TMEM120B: variants seen among roughly 807,000 people sequenced by gnomAD.
TMEM120B encodes transmembrane protein 120B.
A neutral mutation model predicts 55.5 loss-of-function variants in TMEM120B; 31 were observed. The observed-to-expected ratio is 0.56, with a 90% CI of 0.42 to 0.75. The LOEUF (loss-of-function observed/expected upper bound fraction) is 0.75. Ranked by LOEUF, TMEM120B falls within the 30% of genes least tolerant of loss-of-function variation. TMEM120B has a pLI of 0.00. For synonymous variants in TMEM120B, 203 were observed against 176.3 expected, an observed-to-expected ratio of 1.15 and a Z score of -1.20; for missense variants, 399 against 425.5, an observed-to-expected ratio of 0.94 and a Z score of 0.55.
intron 1 of TMEM120B, among the ~76,000 whole-genome samples, chr12:121,742,214 G>A (rs1198078039): frequency 6.6e-6 from 1 of 151,964 alleles, no homozygotes; most frequent in South Asian, 2.1e-4. Flanking sequence ...TTTTGGTCAG[G>A]CTGGTCTCGA....
chr12:121,756,195 G>A (rs1375649479), intron 5 of TMEM120B, among the ~76,000 whole-genome samples: 1 of 152,128 alleles, frequency 6.6e-6, no homozygotes, highest in Non-Finnish European at 1.5e-5. Flanking sequence ...CTCTGCAGAT[G>A]TGATTAAGAC....
chr12:121,714,025 T>C (rs1274419446), intron 1 of TMEM120B, among the ~76,000 whole-genome samples: 1 of 152,052 alleles, frequency 6.6e-6, no homozygotes, highest in Non-Finnish European at 1.5e-5. Flanking sequence ...TGGGTCTTTC[T>C]AGACACGTGG....
chr12:121,759,929 G>A (rs766431151), intron 5 of TMEM120B, among the ~76,000 whole-genome samples: 1 of 151,908 alleles, frequency 6.6e-6, no homozygotes, highest in Non-Finnish European at 1.5e-5. Context: ...TCAAGAGATC[G>A]AGACCATCCT....
At position 121,780,254 on chromosome 12, in the gene TMEM120B, T is replaced by C. The variant is rs1874400838; in HGVS notation, c.*4532T>C. 6.4e-6 allele frequency: 1 copy of C among 157,168 alleles called. No individual in the cohort carries two copies. The highest frequency in any genetic ancestry group is 1.4e-5 in the Non-Finnish European group (1 of 69,892). 9.7% of individuals were successfully genotyped at this position (157,168 alleles called of 1,614,324 possible). ...GTATTTTTAGTAGAGATGGGGTTTC[T>C]CTCATGTTGGTCAGGCTGGTCTCAA... is the stretch of plus-strand genomic sequence containing the variant. On this transcript the variant is annotated 3_prime_UTR_variant, in exon 12 of 12. Coordinates refer to ENST00000449592, the MANE Select transcript of TMEM120B (RefSeq NM_001080825.2).
chr12:121,716,009 G>A (rs1375258604), intron 1 of TMEM120B, among the ~76,000 whole-genome samples: 1 of 148,054 alleles, frequency 6.8e-6, no homozygotes, highest in Non-Finnish European at 1.5e-5. Context: ...GATATTTGTT[G>A]GGAGCTCGGT....
chr12:121,721,434 C>T (rs1250120460), intron 1 of TMEM120B, among the ~76,000 whole-genome samples: 2 of 151,666 alleles, frequency 1.3e-5, no homozygotes, highest in Non-Finnish European at 1.5e-5. Context: ...CCATCTCAGC[C>T]TCCCAAAGTG....
chr12:121,719,455 G>A (rs1019724673), intron 1 of TMEM120B, among the ~76,000 whole-genome samples: 8 of 152,160 alleles, frequency 5.3e-5, no homozygotes, highest in Non-Finnish European at 1.2e-4. Context: ...GCATGGTGGC[G>A]TGCACCCATG....
rs761405508 is a variant in TMEM120B, at chr12:121,712,973, A to G, written c.69+9A>G. 7 of 1,534,502 alleles carry G rather than the reference A, an allele frequency of 4.6e-6. No homozygotes were observed. The highest frequency in any genetic ancestry group is 3.7e-5 in the South Asian group (3 of 80,430). On this transcript the variant is annotated intron_variant, in intron 1 of 11. Transcript: ENST00000449592. Reference sequence around the variant, plus strand: ...AATTTCAAGAACTGCAGGTAGGGCCAGGCCACCTGGTCCCGCAACTCTGCT... The same window carrying G: ...AATTTCAAGAACTGCAGGTAGGGCCGGGCCACCTGGTCCCGCAACTCTGCT...
At chr12:121,762,463 ACT>A (rs1295971906) in intron 6 of TMEM120B, among the ~76,000 whole-genome samples, 2 of 151,884 alleles carry the variant, frequency 1.3e-5, no homozygotes, top group East Asian at 3.9e-4. Context: ...CTCTTCCAAG[ACT>A]CTCACTGGGT....
At chr12:121,764,764 C>T (rs891027171) in intron 6 of TMEM120B, among the ~76,000 whole-genome samples, 9 of 152,040 alleles carry the variant, frequency 5.9e-5, no homozygotes, top group Non-Finnish European at 7.4e-5. Flanking sequence ...GGATGGGGGG[C>T]GACCAGAGAG....
intron 1 of TMEM120B, among the ~76,000 whole-genome samples, chr12:121,722,696 T>C (rs536068985): frequency 6.9e-4 from 105 of 152,232 alleles, no homozygotes; most frequent in African/African-American, 2.3e-3. Flanking sequence ...GTAGTCCAAG[T>C]ATAAAGACTT....
intron 2 of TMEM120B, among the ~76,000 whole-genome samples, chr12:121,745,030 T>TTGTGGGGGGCGTGCAGTGCAC (rs1219885283): frequency 6.6e-5 from 10 of 152,158 alleles, no homozygotes; most frequent in African/African-American, 2.4e-4. Context: ...TGATGGGTCT[T>TTGTGGGGGGCGTGCAGTGCAC]TGTGGGGGCC....
intron 2 of TMEM120B, among the ~76,000 whole-genome samples, chr12:121,745,600 C>T (rs1055768940): frequency 6.6e-6 from 1 of 151,954 alleles, no homozygotes. Context: ...CCATGTTGGC[C>T]AGGCTGGTCT....
At position 121,775,554 on chromosome 12, in the gene TMEM120B, AG is replaced by A; in HGVS notation, c.907-51del. The stretch of plus-strand genomic sequence containing the variant: ...CTGGAGATTCTGGGGTGCTGGGGGC[AG>A]GGGTTCAGCAGGGCAGATGCCCCAG... On this transcript the variant is annotated intron_variant, in intron 11 of 11. Transcript: ENST00000449592. This position sits in a 1 kb window ranked among gnomAD's most constrained non-coding sequence, Gnocchi z 4.3. The A allele has an allele frequency of 6.4e-7, 1 of 1,568,814 alleles. No individual in the cohort carries two copies. Among genetic ancestry groups the A allele is most frequent in the South Asian group, 1.2e-5 (1 of 84,708 alleles).
At chr12:121,721,135 G>A (rs993269377) in intron 1 of TMEM120B, among the ~76,000 whole-genome samples, 7 of 152,278 alleles carry the variant, frequency 4.6e-5, no homozygotes, top group African/African-American at 1.7e-4. Flanking sequence ...TAGGGAAGAT[G>A]CTCTGGGCAT....
chr12:121,773,782 T>G (rs1874143381), intron 9 of TMEM120B, among the ~76,000 whole-genome samples: 1 of 86,526 alleles, frequency 1.2e-5, no homozygotes, highest in Non-Finnish European at 2.2e-5. Flanking sequence ...ACACACAAAT[T>G]AGCCATTTGT....
intron 5 of TMEM120B, among the ~76,000 whole-genome samples, chr12:121,761,288 G>A (rs1056261406): frequency 2.0e-5 from 3 of 152,054 alleles, no homozygotes; most frequent in South Asian, 2.1e-4. Flanking sequence ...CAAGTCTCCC[G>A]TTCTTAAAGT....
At position 121,740,357 on chromosome 12, in the gene TMEM120B, G is replaced by T. The variant is rs146384883; in HGVS notation, c.70-3272G>T. Among the ~76,000 whole-genome samples the T allele has an allele frequency of 6.5e-3, 989 of 151,930 alleles. 3 individuals carry two copies. The highest frequency in any genetic ancestry group is 0.017 in the African/African-American group (688 of 41,454). ...AAATTAGCCAGGCGTGGTGGTGCAT[G>T]CCTGTAATCCCAGCTACTCGGGAGG... is the stretch of plus-strand genomic sequence containing the variant. On this transcript the variant is annotated intron_variant, in intron 1 of 11. Transcript: ENST00000449592.
intron 6 of TMEM120B, among the ~76,000 whole-genome samples, chr12:121,768,806 T>C (rs1279956394): frequency 6.6e-6 from 1 of 151,784 alleles, no homozygotes; most frequent in Non-Finnish European, 1.5e-5. Context: ...CCCCTGATGC[T>C]GGGGGTGGGG....
Sources: gnomAD v4.1 joint callset for allele counts (sites outside exome capture counted in the v4.1 genomes callset) on GRCh38, gnomAD v4.1.1 for gene constraint, Gnocchi (gnomAD v3.1) non-coding constraint, MANE v1.5 for transcripts, NCBI Gene and HGNC (gene_info 2026-07-23, HGNC 2026-07-21) for gene names.